The following PCSK5 variants were observed in gnomAD, a reference collection of about 807,000 sequenced individuals.
The protein encoded by PCSK5 is prohormone convertase 5.
PCSK5 carries 129 observed loss-of-function variants against 233.2 expected under a neutral mutation model. The ratio of observed to expected loss-of-function variants is 0.55; its 90% confidence interval spans 0.48 to 0.64. PCSK5 has a LOEUF of 0.64. Ranked by LOEUF, PCSK5 falls within the 30% of genes least tolerant of loss-of-function variation. The probability of loss-of-function intolerance (pLI) is 0.00; values close to 1 mark genes in which losing one functional copy is unlikely to be tolerated. For missense variants in PCSK5, 2,076 were observed against 2,430.1 expected (o/e 0.85, Z 3.06); for synonymous variants, 825 against 879.2 (o/e 0.94, Z 1.09).
At chr9:76,317,505 T>G (rs1439037554) in intron 30 of PCSK5, among the ~76,000 whole-genome samples, 1 of 152,276 alleles carries the variant, frequency 6.6e-6, no homozygotes, top group Non-Finnish European at 1.5e-5. Flanking sequence ...GCTGATTAAT[T>G]AAAACACCAA....
At chr9:76,143,929 T>C (rs891863112) in intron 10 of PCSK5, among the ~76,000 whole-genome samples, 3 of 152,134 alleles carry the variant, frequency 2.0e-5, no homozygotes, top group African/African-American at 7.2e-5. Context: ...CGAAAAGCCA[T>C]CTAACTTCCC....
chr9:76,141,092 T>C (rs1048868863), intron 10 of PCSK5, among the ~76,000 whole-genome samples: 7 of 152,148 alleles, frequency 4.6e-5, no homozygotes, highest in African/African-American at 1.7e-4. Flanking sequence ...TAGGCAAAGA[T>C]ATATGTCGTC....
intron 32 of PCSK5, among the ~76,000 whole-genome samples, chr9:76,326,500 G>T (rs1273293384): frequency 1.3e-5 from 2 of 152,170 alleles, no homozygotes; most frequent in Non-Finnish European, 2.9e-5. Context: ...ACCTCTAAAA[G>T]TCCCATACCT....
chr9:76,148,157 A>G (rs1316185959), intron 10 of PCSK5, among the ~76,000 whole-genome samples: 2 of 151,660 alleles, frequency 1.3e-5, no homozygotes, highest in Middle Eastern at 3.4e-3. Context: ...CCAAATCGGA[A>G]GACCTATTGT....
chr9:75,945,645 A>AT (rs556859831), intron 2 of PCSK5, among the ~76,000 whole-genome samples: 23 of 151,670 alleles, frequency 1.5e-4, no homozygotes, highest in Admixed American at 7.2e-4. Flanking sequence ...ATAAAGTCTA[A>AT]TTTTTTTTAA....
chr9:76,285,632 G>A (rs1351000328), intron 24 of PCSK5, among the ~76,000 whole-genome samples: 1 of 152,028 alleles, frequency 6.6e-6, no homozygotes, highest in Non-Finnish European at 1.5e-5. Context: ...TAAGATAGGA[G>A]CACCCTAAAA....
At chr9:75,989,802 A>T (rs970454830) in intron 3 of PCSK5, among the ~76,000 whole-genome samples, 1 of 152,118 alleles carries the variant, frequency 6.6e-6, no homozygotes, top group Non-Finnish European at 1.5e-5. Context: ...TAACCTCAGA[A>T]GTCACAGACC....
chr9:76,151,355 T>C (rs999180666), intron 10 of PCSK5, among the ~76,000 whole-genome samples: 2 of 152,176 alleles, frequency 1.3e-5, no homozygotes, highest in East Asian at 1.9e-4. Flanking sequence ...GGTTTACTTA[T>C]AGGTAGATGA....
chr9:75,896,985 A>G (rs2131187756), intron 1 of PCSK5, among the ~76,000 whole-genome samples: 1 of 152,298 alleles, frequency 6.6e-6, no homozygotes, highest in African/African-American at 2.4e-5. Context: ...AAAGAAAACA[A>G]GACTAAGAGT....
In PCSK5 at chr9:76,359,314, C is replaced by T. The variant is rs1265071708; in HGVS notation, c.*392C>T. ...TGCATTGTGGAGGTGTCTGCTGCCTCCTGGTATTCTAATTTTTCTTTATCT... is the reference window on the plus strand; with the variant it reads ...TGCATTGTGGAGGTGTCTGCTGCCTTCTGGTATTCTAATTTTTCTTTATCT... On this transcript the variant is annotated 3_prime_UTR_variant, in exon 38 of 38. Coordinates refer to ENST00000674117, the MANE Select transcript of PCSK5 (RefSeq NM_001372043.1). 3.5e-5 allele frequency: 6 copies of T among 172,484 alleles called. No homozygotes were observed. The East Asian group carries it at 9.0e-4, about 26-fold the overall frequency. 10.7% of individuals were successfully genotyped at this position (172,484 alleles called of 1,614,324 possible).
At chr9:76,129,603 T>C (rs1822672809) in intron 9 of PCSK5, among the ~76,000 whole-genome samples, 1 of 152,158 alleles carries the variant, frequency 6.6e-6, no homozygotes. Context: ...GGTGAGTCAG[T>C]CACCCAAGAT....
rs1828305433 is a variant in PCSK5, at chr9:76,023,894, T to C, written c.555+13T>C. ...GATGCAAAACTACGTGAGTGTATGC[T>C]GTGGTTAGAAGGTCTTTCCTTCTGG... is the stretch of plus-strand genomic sequence containing the variant. On this transcript the variant is annotated intron_variant, in intron 4 of 37. Coordinates refer to ENST00000674117, the MANE Select transcript of PCSK5 (RefSeq NM_001372043.1). The C allele has an allele frequency of 6.3e-7, 1 of 1,596,672 alleles. No individual in the cohort carries two copies. The highest frequency in any genetic ancestry group is 8.5e-7 in the Non-Finnish European group (1 of 1,171,892).
At chr9:76,046,553 C>CTT in intron 5 of PCSK5, among the ~76,000 whole-genome samples, 1 of 117,872 alleles carries the variant, frequency 8.5e-6, no homozygotes, top group South Asian at 2.7e-4. Flanking sequence ...TTTTTTCTTT[C>CTT]TTTTTCTTTT....
intron 1 of PCSK5, among the ~76,000 whole-genome samples, chr9:75,892,053 G>T (rs1825633116): frequency 6.6e-6 from 1 of 152,162 alleles, no homozygotes; most frequent in Non-Finnish European, 1.5e-5. Context: ...GTGGGGAGGT[G>T]GGAAACTTCC....
chr9:76,157,682 C>T (rs1242901783), intron 11 of PCSK5, among the ~76,000 whole-genome samples: 1 of 151,948 alleles, frequency 6.6e-6, no homozygotes, highest in Non-Finnish European at 1.5e-5. Flanking sequence ...GCTTTCTGTT[C>T]AGAGACTTTT....
intron 20 of PCSK5, among the ~76,000 whole-genome samples, chr9:76,220,199 C>G (rs1334810954): frequency 6.6e-6 from 1 of 152,180 alleles, no homozygotes; most frequent in Non-Finnish European, 1.5e-5. Context: ...CAATGAGAAG[C>G]TTTGTAAATT....
intron 1 of PCSK5, among the ~76,000 whole-genome samples, chr9:75,910,436 G>A (rs1822674123): frequency 6.6e-6 from 1 of 152,200 alleles, no homozygotes; most frequent in Admixed American, 6.5e-5. Flanking sequence ...AAACCCTAAA[G>A]GTCCTAGAGC....
At chr9:76,343,236 C>T (rs567716703) in intron 35 of PCSK5, among the ~76,000 whole-genome samples, 1 of 150,662 alleles carries the variant, frequency 6.6e-6, no homozygotes, top group East Asian at 1.9e-4. Context: ...ATGATCTTGG[C>T]TCACTACAAC....
At chr9:76,121,575 G>T (rs190216736) in intron 9 of PCSK5, among the ~76,000 whole-genome samples, 1 of 152,272 alleles carries the variant, frequency 6.6e-6, no homozygotes, top group East Asian at 1.9e-4. Context: ...GTAGTAAACG[G>T]AGAGTCAAGC....
Sources: gnomAD v4.1 joint callset for allele counts (sites outside exome capture counted in the v4.1 genomes callset) on GRCh38, gnomAD v4.1.1 for gene constraint, MANE v1.5 for transcripts, NCBI Gene and HGNC (gene_info 2026-07-23, HGNC 2026-07-21) for gene names.